RBFOX3: variants seen among roughly 807,000 people sequenced by gnomAD.
The protein encoded by RBFOX3 is RNA binding fox-1 homolog 3, also known as RNA binding protein fox-1 homolog 3.
Under a neutral mutation model 48.7 loss-of-function variants are expected in RBFOX3, and 17 were observed. The ratio of observed to expected loss-of-function variants is 0.35; its 90% CI spans 0.24 to 0.52. The LOEUF is 0.52. Ranked by LOEUF, RBFOX3 falls within the 20% of genes least tolerant of loss-of-function variation. The pLI, the probability that RBFOX3 is intolerant of heterozygous loss-of-function variation, is 0.94. For missense variants in RBFOX3, 382 were observed against 497.5 expected (o/e 0.77, Z 2.21); for synonymous variants, 212 against 209.5 (o/e 1.01, Z -0.10).
intron 2 of RBFOX3, among the ~76,000 whole-genome samples, chr17:79,439,369 G>A (rs951504949): frequency 1.5e-4 from 23 of 152,244 alleles, no homozygotes; most frequent in African/African-American, 5.5e-4. Flanking sequence ...ATAAAAACAG[G>A]TAACGTACTG....
chr17:79,543,689 G>A (rs1398673284), intron 1 of RBFOX3, among the ~76,000 whole-genome samples: 3 of 152,212 alleles, frequency 2.0e-5, no homozygotes, highest in Non-Finnish European at 4.4e-5. Flanking sequence ...GAAGCATGCT[G>A]GGCACGTTCC....
Position 79,518,565 on chromosome 17 carries a change from G to A in RBFOX3, c.-319-35967C>T, listed in dbSNP as rs970926732. 3.9e-5 allele frequency among the ~76,000 whole-genome samples: 6 copies of A among 152,266 alleles called. No homozygotes were observed. The East Asian group carries it at 1.2e-3, about 29-fold the overall frequency. On this transcript the variant is annotated intron_variant, in intron 1 of 14. Transcript: ENST00000693108. The stretch of plus-strand genomic sequence containing the variant: ...ACTGTAATCCCTGAAGGCTGGGGGA[G>A]CTGGGGCCTGGACGGCTGTGGGGAA...
At chr17:79,138,717 TCACCCACACACGCA>T (rs1255786269) in intron 4 of RBFOX3, among the ~76,000 whole-genome samples, 10 of 6,774 alleles carry the variant, frequency 1.5e-3, no homozygotes, top group Non-Finnish European at 2.2e-3. Context: ...TCACACCCCC[TCACCCACACACGCA>T]TGCACACAGC....
chr17:79,504,387 T>C (rs2149768878), intron 1 of RBFOX3, among the ~76,000 whole-genome samples: 1 of 152,310 alleles, frequency 6.6e-6, no homozygotes, highest in East Asian at 1.9e-4. Flanking sequence ...ATTAGTTTCC[T>C]CCTGTTCCTG....
intron 2 of RBFOX3, among the ~76,000 whole-genome samples, chr17:79,431,676 G>T (rs909480048): frequency 1.3e-5 from 2 of 152,102 alleles, no homozygotes; most frequent in Non-Finnish European, 2.9e-5. Flanking sequence ...GTAGAGACAG[G>T]GTTTCACCAT....
intron 1 of RBFOX3, among the ~76,000 whole-genome samples, chr17:79,581,463 T>C (rs930497333): frequency 5.9e-5 from 9 of 152,126 alleles, no homozygotes; most frequent in Non-Finnish European, 1.0e-4. Context: ...GGAAAGAAGA[T>C]GGAATGAAGC....
chr17:79,110,005 A>G (rs1401341776), intron 5 of RBFOX3, among the ~76,000 whole-genome samples: 2 of 152,048 alleles, frequency 1.3e-5, no homozygotes, highest in African/African-American at 4.8e-5. Context: ...TGTGCAGGGA[A>G]GCCCTCGCAT....
At chr17:79,092,253 G>A (rs1252321095) in intron 14 of RBFOX3, 2 of 985,396 alleles carry the variant, frequency 2.0e-6, no homozygotes, top group Admixed American at 1.2e-4. Flanking sequence ...TCCCAGGTTG[G>A]GGGCTGCCTG....
rs575416179 is a variant in RBFOX3 at position 79,415,261 on chromosome 17, T to G, written c.-175+67193A>C. Among the ~76,000 whole-genome samples, 70 of 152,314 alleles carry G rather than the reference T, an allele frequency of 4.6e-4. 2 individuals carry two copies. In the South Asian group the frequency reaches 0.013, roughly 29 times the overall value. On this transcript the variant is annotated intron_variant, in intron 2 of 14. Coordinates refer to ENST00000693108, the MANE Select transcript of RBFOX3 (RefSeq NM_001350451.2). ...GCCCAGATGAGTTCCAAAGAGCCAG[T>G]CCCTGGCACACAGACTCTCACCTTT...
intron 2 of RBFOX3, among the ~76,000 whole-genome samples, chr17:79,324,995 C>A (rs182547654): frequency 1.7e-3 from 266 of 152,354 alleles, no homozygotes; most frequent in Non-Finnish European, 2.6e-3. Context: ...TGTCTAGGAA[C>A]TGCAGAAGTT....
chr17:79,278,485 C>T (rs775017508), intron 3 of RBFOX3, among the ~76,000 whole-genome samples: 4 of 152,164 alleles, frequency 2.6e-5, no homozygotes, highest in Non-Finnish European at 4.4e-5. Flanking sequence ...GGTGGGTGCC[C>T]CCTGCCCAGC....
chr17:79,467,145 C>G (rs2076421611), intron 2 of RBFOX3, among the ~76,000 whole-genome samples: 1 of 152,026 alleles, frequency 6.6e-6, no homozygotes, highest in Non-Finnish European at 1.5e-5. Flanking sequence ...AGGTCTGGGT[C>G]CGGGAGGCCC....
intron 1 of RBFOX3, among the ~76,000 whole-genome samples, chr17:79,573,629 T>C (rs2092758656): frequency 6.6e-6 from 1 of 152,224 alleles, no homozygotes; most frequent in Admixed American, 6.5e-5. Context: ...TTGATGTGAA[T>C]GATTGCTGCT....
At chr17:79,351,543 G>A (rs2083942385) in intron 2 of RBFOX3, among the ~76,000 whole-genome samples, 1 of 152,194 alleles carries the variant, frequency 6.6e-6, no homozygotes, top group African/African-American at 2.4e-5. Flanking sequence ...TGTGTGCCAG[G>A]TGGAGTCTTG....
intron 1 of RBFOX3, among the ~76,000 whole-genome samples, chr17:79,521,139 G>A (rs2086009526): frequency 1.3e-5 from 2 of 152,204 alleles, no homozygotes; most frequent in East Asian, 3.9e-4. Context: ...CCAGGCACCT[G>A]CTTTACCACA....
At position 79,090,048 on chromosome 17, in the gene RBFOX3, AGCCTTGGTGTACACAGGCCCCG is replaced by A. The variant is rs1393845187; in HGVS notation, c.*813_*834del. 1 of 152,380 alleles carries A rather than the reference AGCCTTGGTGTACACAGGCCCCG, an allele frequency of 6.6e-6. No homozygotes were observed. Among genetic ancestry groups the A allele is most frequent in the African/African-American group, 2.4e-5 (1 of 41,474 alleles). 9.4% of individuals were successfully genotyped at this position (152,380 alleles called of 1,614,324 possible). A position where few individuals can be genotyped will look rare whatever the true frequency, so the allele number is the denominator to read the frequency against. ...GGGTCCCAGCAGGCAGCACGAGGTC[AGCCTTGGTGTACACAGGCCCCG>A]GGCCTCCTCCAGAAAGGGAGAGATG... is the stretch of plus-strand genomic sequence containing the variant. On this transcript the variant is annotated 3_prime_UTR_variant, in exon 15 of 15. Transcript: ENST00000693108.
intron 8 of RBFOX3, among the ~76,000 whole-genome samples, chr17:79,102,124 A>G (rs1207412366): frequency 1.3e-5 from 2 of 152,196 alleles, no homozygotes; most frequent in Non-Finnish European, 2.9e-5. Context: ...CAGAGTACAG[A>G]GGTCTCTGAT....
chr17:79,134,718 ACAGTTCCCCCTGGGGGAAGAGG>A (rs1194969728), intron 4 of RBFOX3, among the ~76,000 whole-genome samples: 3 of 152,020 alleles, frequency 2.0e-5, no homozygotes, highest in East Asian at 1.9e-4. Flanking sequence ...ATGCAGGGGC[ACAGTTCCCCCTGGGGGAAGAGG>A]CAGTTCCCCC....
chr17:79,260,701 G>C (rs996940270), intron 3 of RBFOX3, among the ~76,000 whole-genome samples: 1 of 152,172 alleles, frequency 6.6e-6, no homozygotes, highest in Admixed American at 6.5e-5. Context: ...CGGCCTTGGG[G>C]CCTGATGGGA....
Sources: gnomAD v4.1 joint callset for allele counts (sites outside exome capture counted in the v4.1 genomes callset) on GRCh38, gnomAD v4.1.1 for gene constraint, MANE v1.5 for transcripts, NCBI Gene and HGNC (gene_info 2026-07-23, HGNC 2026-07-21) for gene names.